IL5RA: variants seen among roughly 807,000 people sequenced by gnomAD.
The protein encoded by IL5RA is interleukin-5 receptor subunit alpha.
A neutral mutation model predicts 50.0 loss-of-function variants in IL5RA; 49 were observed. The observed-to-expected ratio is 0.98, with a 90% confidence interval of 0.78 to 1.24. The LOEUF (loss-of-function observed/expected upper bound fraction) is 1.24. Ranked by LOEUF, IL5RA falls within the 50% of genes most tolerant of loss-of-function variation. The pLI is 0.00. For missense variants in IL5RA, 600 were observed against 500.4 expected (o/e 1.20, Z -1.90); for synonymous variants, 202 against 174.0 (o/e 1.16, Z -1.26).
At chr3:3,087,636 T>TGGG (rs79635367) in intron 9 of IL5RA, among the ~76,000 whole-genome samples, 17,716 of 150,878 alleles carry the variant, frequency 0.12, 1,081 homozygotes, top group Admixed American at 0.14. Flanking sequence ...ATTAAAATAA[T>TGGG]GGGGGGGAAA....
Position 3,097,772 on chromosome 3 carries a change from C to T in IL5RA, c.709+98G>A, listed in dbSNP as rs1703431678. On this transcript the variant is annotated intron_variant, in intron 7 of 11. Transcript: ENST00000446632. The stretch of plus-strand genomic sequence containing the variant: ...CATGGGTCTGATGCTTACTTGGCAT[C>T]AGAGAAGCAGTAAAACTAGGTGATC... 3.8e-6 allele frequency: 5 copies of T among 1,299,262 alleles called. No homozygotes were observed. The Admixed American group carries it at 1.0e-4, about 26-fold the overall frequency. 80.5% of individuals were successfully genotyped at this position (1,299,262 alleles called of 1,614,324 possible).
chr3:3,089,603 A>G (rs986702541), intron 9 of IL5RA, among the ~76,000 whole-genome samples: 1 of 151,796 alleles, frequency 6.6e-6, no homozygotes, highest in Non-Finnish European at 1.5e-5. Context: ...TGGCATCCAC[A>G]TGCTTGATCA....
intron 3 of IL5RA, among the ~76,000 whole-genome samples, chr3:3,104,659 T>C (rs1176670532): frequency 1.3e-5 from 2 of 152,192 alleles, no homozygotes; most frequent in East Asian, 1.9e-4. Context: ...CTTTATTCCA[T>C]GGTGCCCGGA....
chr3:3,107,149 C>T (rs1169075741), intron 2 of IL5RA, among the ~76,000 whole-genome samples: 1 of 151,874 alleles, frequency 6.6e-6, no homozygotes, highest in East Asian at 1.9e-4. Context: ...TTTTTCATGT[C>T]TCATTGTCAT....
At chr3:3,090,457 T>C (rs1042959250) in intron 9 of IL5RA, among the ~76,000 whole-genome samples, 1 of 152,192 alleles carries the variant, frequency 6.6e-6, no homozygotes, top group Non-Finnish European at 1.5e-5. Flanking sequence ...ACGCACTAGT[T>C]GCTTTTTAAC....
chr3:3,106,002 C>A (rs763722136), intron 2 of IL5RA, among the ~76,000 whole-genome samples: 8 of 152,162 alleles, frequency 5.3e-5, no homozygotes, highest in Non-Finnish European at 1.0e-4. Flanking sequence ...CGTGCTCCCC[C>A]CAGAGATTTG....
chr3:3,104,027 A>G (rs1010760756), intron 3 of IL5RA, among the ~76,000 whole-genome samples: 2 of 152,130 alleles, frequency 1.3e-5, no homozygotes, highest in Admixed American at 6.6e-5. Flanking sequence ...GTGGCTATTG[A>G]AATTTTATTT....
Position 3,074,856 on chromosome 3 carries a change from A to G in IL5RA, c.1102T>C (p.Trp368Arg), listed in dbSNP as rs772102514. The change falls in exon 11 of 12, where the codon TGG becomes CGG. Residue 368 changes from tryptophan (W) to arginine (R), a missense_variant. Coordinates refer to ENST00000446632, the MANE Select transcript of IL5RA (RefSeq NM_175726.4). ...GGAATTGGTGGAAACAACTTGATCC[A>G]TAAATGACATCTGAAAACAGAGTAA... ...LSLICKICHL[W>R]IKLFPPIPAP... The G allele has an allele frequency of 1.9e-6, 3 of 1,603,200 alleles. No individual in the cohort carries two copies. Among genetic ancestry groups the G allele is most frequent in the Non-Finnish European group, 2.6e-6 (3 of 1,170,036 alleles).
At position 3,090,546 on chromosome 3, in the gene IL5RA, CTT is replaced by C. The variant is rs10711626; in HGVS notation, c.994+1676_994+1677del. On this transcript the variant is annotated intron_variant, in intron 9 of 11. Coordinates refer to ENST00000446632, the MANE Select transcript of IL5RA (RefSeq NM_175726.4). ...ATAGCAAACACAGGGTTTGAATTTTCTTTTTTTTTTTTTTCTTTTCTTTCTTT... is the reference window on the plus strand; with the variant it reads ...ATAGCAAACACAGGGTTTGAATTTTCTTTTTTTTTTTTCTTTTCTTTCTTT... Among the ~76,000 whole-genome samples, 266 of 131,594 alleles carry C rather than the reference CTT, an allele frequency of 2.0e-3. 2 individuals are homozygous for C. The highest frequency in any genetic ancestry group is 6.6e-3 in the African/African-American group (233 of 35,060). The allele number at this position is 131,594 out of a possible 152,430, so 86.3% of individuals were successfully genotyped here.
intron 9 of IL5RA, among the ~76,000 whole-genome samples, chr3:3,089,034 G>A (rs2125967846): frequency 6.6e-6 from 1 of 152,288 alleles, no homozygotes; most frequent in South Asian, 2.1e-4. Context: ...GCCATGTCGA[G>A]GAAAGTCCTG....
rs2125980535 is a variant in IL5RA, at chr3:3,098,209, T to C, written c.449A>G (p.Gln150Arg). The C allele has an allele frequency of 6.2e-7, 1 of 1,614,126 alleles. No homozygotes were observed. The highest frequency in any genetic ancestry group is 1.3e-5 in the African/African-American group (1 of 75,054). Residue 150 changes from glutamine (Q) to arginine (R), a missense_variant, in exon 6 of 12, where the codon CAA (glutamine) becomes CGA (arginine). Physicochemically the swap from Gln to Arg is conservative, Grantham distance 43. Transcript: ENST00000446632. ...EDNYSRLRSY[Q>R]VSLHCTWLVG... ...AAGCCAGGTGCAGTGAAGGGAAACT[T>C]GGTATGACCTTAAACGTGAATAATT...
chr3:3,106,774 T>G (rs334782), intron 2 of IL5RA, among the ~76,000 whole-genome samples: 1 of 151,942 alleles, frequency 6.6e-6, no homozygotes, highest in Non-Finnish European at 1.5e-5. Flanking sequence ...TTTCCTGAAA[T>G]AATATTAAAT....
At chr3:3,073,779 T>A (rs775796212) in intron 11 of IL5RA, 1 of 451,842 alleles carries the variant, frequency 2.2e-6, no homozygotes, top group South Asian at 1.6e-5. Flanking sequence ...CCTTTTTTTG[T>A]AGAAAATTGT....
At chr3:3,070,371 T>G in intron 11 of IL5RA, 60 bp from the exon 12 acceptor site, 2 of 986,184 alleles carry the variant, frequency 2.0e-6, no homozygotes, top group Non-Finnish European at 3.2e-6. Flanking sequence ...TTCTTTGAAA[T>G]CTTTACAATT....
At chr3:3,088,578 G>C (rs138790917) in intron 9 of IL5RA, among the ~76,000 whole-genome samples, 5 of 152,284 alleles carry the variant, frequency 3.3e-5, no homozygotes, top group African/African-American at 1.2e-4. Flanking sequence ...TAAAAACCTA[G>C]ATGTCCTGAA....
At chr3:3,071,587 G>A (rs1169811272) in intron 11 of IL5RA, among the ~76,000 whole-genome samples, 17 of 61,290 alleles carry the variant, frequency 2.8e-4, no homozygotes, top group Admixed American at 1.7e-3. Context: ...GTGTGTGTGT[G>A]TGTGTGTGTA....
intron 3 of IL5RA, among the ~76,000 whole-genome samples, chr3:3,104,497 T>A (rs79082262): frequency 9.1e-4 from 138 of 152,358 alleles, no homozygotes; most frequent in African/African-American, 3.2e-3. Flanking sequence ...GACCATGTGA[T>A]GATTTTCCTT....
chr3:3,068,912 C>G lies in IL5RA; in HGVS notation c.*1313G>C, dbSNP rs1702210078. 6.6e-6 allele frequency: 1 copy of G among 152,200 alleles called. No homozygotes were observed. The highest frequency in any genetic ancestry group is 1.5e-5 in the Non-Finnish European group (1 of 68,052). 9.4% of individuals were successfully genotyped at this position (152,200 alleles called of 1,614,324 possible). ...GTCAAGATTCAAGATGTTTCTGTGC[C>G]TATTACCCAGGGTTCAACCCTCTGC... On this transcript the variant is annotated 3_prime_UTR_variant, in exon 12 of 12. Transcript: ENST00000446632.
rs1703183914 is a variant in IL5RA, at chr3:3,092,757, T to A, written c.856-395A>T. Among the ~76,000 whole-genome samples, 1 of 152,206 alleles carries A rather than the reference T, an allele frequency of 6.6e-6. No homozygotes were observed. Among genetic ancestry groups the A allele is most frequent in the Non-Finnish European group, 1.5e-5 (1 of 68,038 alleles). On this transcript the variant is annotated intron_variant, in intron 8 of 11. Transcript: ENST00000446632. The surrounding 1 kb of genome is among the most constrained non-coding windows in gnomAD (Gnocchi z 4.2). ...AACGCTAGATTGTCTAGTGTTGAAA[T>A]GAAGCTATTTTCTCATGAATGAGCC...
Sources: allele counts gnomAD v4.1 joint callset (sites outside exome capture counted in the v4.1 genomes callset), GRCh38; gene constraint gnomAD v4.1.1; non-coding constraint Gnocchi (gnomAD v3.1); transcripts MANE v1.5; gene names NCBI Gene and HGNC (gene_info 2026-07-23, HGNC 2026-07-21).